The following USO1 variants were observed in gnomAD, a reference collection of about 807,000 sequenced individuals.
USO1 encodes USO1 vesicle transport factor, also known as general vesicular transport factor p115.
A neutral mutation model predicts 124.5 loss-of-function variants in USO1; 57 were observed. The observed-to-expected ratio is 0.46, with a 90% CI of 0.37 to 0.57. The LOEUF is 0.57. Among genes scored for constraint, USO1 ranks in the 20% least tolerant of loss-of-function variants. The pLI, the probability that USO1 is intolerant of heterozygous loss-of-function variation, is 0.00. For missense variants in USO1, 900 were observed against 1,040.6 expected, an observed-to-expected ratio of 0.86 and a Z score of 1.86; for synonymous variants, 369 against 362.8, an observed-to-expected ratio of 1.02 and a Z score of -0.19.
At chr4:75,764,298 A>G (rs559804879) in intron 4 of USO1, among the ~76,000 whole-genome samples, 2 of 152,330 alleles carry the variant, frequency 1.3e-5, no homozygotes, top group African/African-American at 4.8e-5. Flanking sequence ...CAGAAGTTCT[A>G]GAGAGTGTTC....
intron 22 of USO1, among the ~76,000 whole-genome samples, chr4:75,811,454 G>A (rs1264235193): frequency 5.9e-5 from 9 of 152,098 alleles, no homozygotes; most frequent in African/African-American, 1.7e-4. Flanking sequence ...CACCACACCC[G>A]GCCTGTGTTT....
At chr4:75,809,632 G>A (rs746265539) in intron 21 of USO1, among the ~76,000 whole-genome samples, 9 of 152,128 alleles carry the variant, frequency 5.9e-5, no homozygotes, top group Non-Finnish European at 1.2e-4. Flanking sequence ...TTATAACAAG[G>A]ATTGCCTTTC....
rs536289382 is a variant in USO1, at chr4:75,770,817, T to G, written c.397-5T>G. On this transcript the variant is annotated splice_region_variant and splice_polypyrimidine_tract_variant and intron_variant, in intron 5 of 23. Transcript: ENST00000514213. The stretch of plus-strand genomic sequence containing the variant: ...TGTTAAATATTTTGAATTCTTACAT[T>G]GCAGGAGTTTGATTTCCATGTCCGC... 54 of 1,603,028 alleles carry G rather than the reference T, an allele frequency of 3.4e-5. No homozygotes were observed. The South Asian group carries it at 5.4e-4, about 16-fold the overall frequency.
intron 1 of USO1, among the ~76,000 whole-genome samples, chr4:75,728,066 A>T (rs963943799): frequency 3.9e-5 from 6 of 152,218 alleles, no homozygotes; most frequent in African/African-American, 1.4e-4. Context: ...TTTGAAAGAA[A>T]TCACAGATCT....
chr4:75,729,108 A>G (rs1720553132), intron 1 of USO1, among the ~76,000 whole-genome samples: 1 of 151,964 alleles, frequency 6.6e-6, no homozygotes, highest in Non-Finnish European at 1.5e-5. Flanking sequence ...AGAGTCGGGT[A>G]CTTTTACATT....
At chr4:75,766,074 T>A (rs1214844742) in intron 4 of USO1, among the ~76,000 whole-genome samples, 1 of 152,194 alleles carries the variant, frequency 6.6e-6, no homozygotes, top group Non-Finnish European at 1.5e-5. Context: ...TAACCTAAGA[T>A]ATAAAACTTT....
chr4:75,775,079 T>C (rs324708), intron 8 of USO1, among the ~76,000 whole-genome samples: 15,118 of 152,256 alleles, frequency 0.099, 883 homozygotes, highest in Middle Eastern at 0.17. Context: ...TAGATTATTA[T>C]GCATGTCCTT....
rs139743884 is a variant in USO1 at position 75,798,577 on chromosome 4, G to A, written c.1453-1045G>A. On this transcript the variant is annotated intron_variant, in intron 13 of 23. Transcript: ENST00000514213. ...GCTTACCTGGCAAATCATTTGAAGA[G>A]GTCCTGTTTGAACTTAATTCAATAT... is the stretch of plus-strand genomic sequence containing the variant. Among the ~76,000 whole-genome samples, 890 of 152,196 alleles carry A rather than the reference G, an allele frequency of 5.8e-3. 15 individuals carry two copies. Among genetic ancestry groups the A allele is most frequent in the African/African-American group, 0.02 (844 of 41,516 alleles).
chr4:75,791,701 G>A (rs751510013), intron 12 of USO1, among the ~76,000 whole-genome samples: 8 of 151,794 alleles, frequency 5.3e-5, no homozygotes, highest in African/African-American at 1.7e-4. Context: ...AACTTCAAGA[G>A]CAGTTTCATA....
intron 13 of USO1, among the ~76,000 whole-genome samples, chr4:75,796,776 T>C (rs1268246872): frequency 2.0e-5 from 3 of 152,080 alleles, no homozygotes; most frequent in Non-Finnish European, 2.9e-5. Context: ...TCACACACTC[T>C]AGGGGCTCTG....
chr4:75,799,859 T>C, intron 14 of USO1, 127 bp downstream of exon 14: 2 of 1,114,056 alleles, frequency 1.8e-6, no homozygotes, highest in Non-Finnish European at 2.5e-6. Context: ...GTTGCAACTT[T>C]TTAAACTGTT....
intron 1 of USO1, among the ~76,000 whole-genome samples, chr4:75,746,835 C>A (rs1408203260): frequency 6.6e-6 from 1 of 152,040 alleles, no homozygotes; most frequent in Non-Finnish European, 1.5e-5. Flanking sequence ...TTATTTAGTA[C>A]CTCGCTCAGT....
At chr4:75,749,764 T>C (rs1195754178) in intron 1 of USO1, among the ~76,000 whole-genome samples, 1 of 151,570 alleles carries the variant, frequency 6.6e-6, no homozygotes, top group African/African-American at 2.4e-5. Context: ...TTTTTTTTTT[T>C]TCTCCCGAGA....
At chr4:75,743,591 C>G (rs1242558105) in intron 1 of USO1, among the ~76,000 whole-genome samples, 1 of 152,144 alleles carries the variant, frequency 6.6e-6, no homozygotes, top group Non-Finnish European at 1.5e-5. Flanking sequence ...TACTGGTTCT[C>G]TGCTATTTTC....
Position 75,809,021 on chromosome 4 carries a change from G to A in USO1, c.2445G>A (p.Lys815=). Residue 815 remains lysine, a synonymous_variant, in exon 21 of 24, where the codon AAG becomes AAA. Coordinates refer to ENST00000514213, the MANE Select transcript of USO1 (RefSeq NM_003715.4). ...SVEITKLQTE[K]QELLQKTEAF... is the part of the protein sequence containing the mutation. The stretch of plus-strand genomic sequence containing the variant: ...AGATCACCAAACTACAGACAGAAAA[G>A]CAGGAACTGTTACAGAAAACAGAAG... 6.2e-7 allele frequency: 1 copy of A among 1,603,016 alleles called. No homozygotes were observed.
chr4:75,724,794 G>A lies in USO1; in HGVS notation c.-26G>A, dbSNP rs1290672849. On this transcript the variant is annotated 5_prime_UTR_variant, in exon 1 of 24. Coordinates refer to ENST00000514213, the MANE Select transcript of USO1 (RefSeq NM_003715.4). ...GTCTTCTTTTTTTTCCGGAGGGGCC[G>A]GTAAACCTGGTGGCTGAACGGCAAG... is the stretch of plus-strand genomic sequence containing the variant. 8 of 1,613,506 alleles carry A rather than the reference G, an allele frequency of 5.0e-6. No homozygotes were observed. The highest frequency in any genetic ancestry group is 2.2e-5 in the East Asian group (1 of 44,870).
chr4:75,782,166 G>A (rs1208779342), intron 8 of USO1, among the ~76,000 whole-genome samples: 3 of 152,168 alleles, frequency 2.0e-5, no homozygotes, highest in African/African-American at 7.2e-5. Flanking sequence ...GCTTCTTAGA[G>A]ATCAAATAAG....
intron 22 of USO1, 46 bp downstream of exon 22, chr4:75,810,585 G>A: frequency 2.0e-6 from 3 of 1,521,084 alleles, no homozygotes; most frequent in Non-Finnish European, 2.6e-6. Context: ...GATATGAAAT[G>A]AACTCTAGGA....
Position 75,797,232 on chromosome 4 carries a change from T to G in USO1, c.1453-2390T>G, listed in dbSNP as rs141139898. Among the ~76,000 whole-genome samples the G allele has an allele frequency of 8.0e-4, 122 of 152,156 alleles. 1 individual carries two copies. The highest frequency in any genetic ancestry group is 2.6e-3 in the African/African-American group (109 of 41,492). ...CAATGTTTATCTTATACTTTCTGGT[T>G]TCTTTTTTTTTCATTTAATTCTTTG... On this transcript the variant is annotated intron_variant, in intron 13 of 23. Transcript: ENST00000514213.
Sources: gnomAD v4.1 joint callset for allele counts (sites outside exome capture counted in the v4.1 genomes callset) on GRCh38, gnomAD v4.1.1 for gene constraint, MANE v1.5 for transcripts, NCBI Gene and HGNC (gene_info 2026-07-23, HGNC 2026-07-21) for gene names.